PPP3CA: variants seen among roughly 807,000 people sequenced by gnomAD.
PPP3CA encodes CAM-PRP catalytic subunit.
In PPP3CA, 14 loss-of-function variants were observed where a neutral mutation model predicts 66.5. That is an observed-to-expected ratio of 0.21 (90% CI 0.14 to 0.33). PPP3CA has a LOEUF of 0.33. Ranked by LOEUF, PPP3CA falls within the 10% of genes least tolerant of loss-of-function variation. The pLI, the probability that PPP3CA is intolerant of heterozygous loss-of-function variation, is 1.00. For synonymous variants in PPP3CA, 232 were observed against 226.2 expected, an observed-to-expected ratio of 1.03 and a Z score of -0.23; for missense variants, 317 against 639.5, an observed-to-expected ratio of 0.50 and a Z score of 5.44.
At chr4:101,244,819 GA>G (rs1726426537) in intron 1 of PPP3CA, among the ~76,000 whole-genome samples, 1 of 152,168 alleles carries the variant, frequency 6.6e-6, no homozygotes, top group South Asian at 2.1e-4. Context: ...GGCACAGTCA[GA>G]GCTCTCTGTT....
chr4:101,346,706 G>A (rs766238550), intron 1 of PPP3CA, 33 bp downstream of exon 1: 1 of 1,594,386 alleles, frequency 6.3e-7, no homozygotes, highest in Non-Finnish European at 8.6e-7. Context: ...TGCGGCACAC[G>A]GTGCACCCAG....
chr4:101,138,146 C>T (rs1560622026), intron 2 of PPP3CA, among the ~76,000 whole-genome samples: 1 of 152,286 alleles, frequency 6.6e-6, no homozygotes, highest in East Asian at 1.9e-4. Context: ...ACTACCATAA[C>T]ATATTCTGTC....
At position 101,278,144 on chromosome 4, in the gene PPP3CA, A is replaced by AAAAAAAT. The variant is rs1163329750; in HGVS notation, c.58+68594_58+68595insATTTTTT. Among the ~76,000 whole-genome samples, 239 of 145,180 alleles carry AAAAAAAT rather than the reference A, an allele frequency of 1.6e-3. 1 individual carries two copies. The highest frequency in any genetic ancestry group is 5.8e-3 in the African/African-American group (223 of 38,474). ...TAGTAAAAAAAAAAAAAAAAATAAA[A>AAAAAAAT]AAATTAAAAAGTTATTTTAACTACG... On this transcript the variant is annotated intron_variant, in intron 1 of 13. Transcript: ENST00000394854.
chr4:101,065,924 C>T (rs1016065775), intron 8 of PPP3CA, among the ~76,000 whole-genome samples: 2 of 152,096 alleles, frequency 1.3e-5, no homozygotes, highest in South Asian at 4.1e-4. Context: ...TGAGTACCTA[C>T]TGATAAAGCA....
chr4:101,204,735 A>C (rs1725079034), intron 1 of PPP3CA, among the ~76,000 whole-genome samples: 1 of 151,984 alleles, frequency 6.6e-6, no homozygotes. Context: ...GCATGATAAA[A>C]GCAAAATTAT....
At chr4:101,248,833 T>A (rs1436310417) in intron 1 of PPP3CA, among the ~76,000 whole-genome samples, 1 of 152,192 alleles carries the variant, frequency 6.6e-6, no homozygotes, top group African/African-American at 2.4e-5. Context: ...AAATCATCTG[T>A]CAGAGAATCT....
At chr4:101,066,687 G>GAA (rs201363798) in intron 8 of PPP3CA, among the ~76,000 whole-genome samples, 1 of 150,426 alleles carries the variant, frequency 6.6e-6, no homozygotes, top group African/African-American at 2.4e-5. Flanking sequence ...AAATACATGA[G>GAA]AAAAAAAAAC....
intron 12 of PPP3CA, 40 bp downstream of exon 12, chr4:101,032,227 C>A: frequency 1.4e-6 from 2 of 1,399,382 alleles, no homozygotes; most frequent in Non-Finnish European, 1.9e-6. Flanking sequence ...CAGCTGACTG[C>A]GATGCCCCAG....
intron 8 of PPP3CA, among the ~76,000 whole-genome samples, chr4:101,071,663 T>A (rs1325028432): frequency 6.6e-6 from 1 of 152,204 alleles, no homozygotes; most frequent in Non-Finnish European, 1.5e-5. Context: ...AATGAATCTG[T>A]ATGGAGGATT....
intron 2 of PPP3CA, among the ~76,000 whole-genome samples, chr4:101,174,995 G>A (rs1724012791): frequency 6.6e-6 from 1 of 152,118 alleles, no homozygotes; most frequent in Admixed American, 6.6e-5. Flanking sequence ...ATGTTCAGGG[G>A]GAAGTCAGAG....
At chr4:101,103,444 G>C (rs1394341653) in intron 3 of PPP3CA, among the ~76,000 whole-genome samples, 1 of 152,200 alleles carries the variant, frequency 6.6e-6, no homozygotes, top group Non-Finnish European at 1.5e-5. Context: ...ACAGGCAGCA[G>C]TGGAAGAGCA....
intron 8 of PPP3CA, 67 bp downstream of exon 8, chr4:101,080,465 A>C (rs1408866580): frequency 2.2e-6 from 2 of 929,780 alleles, no homozygotes; most frequent in Non-Finnish European, 1.5e-6. Flanking sequence ...ACCAAACCAA[A>C]ATAAAACGGC....
At chr4:101,217,808 C>T (rs972781419) in intron 1 of PPP3CA, among the ~76,000 whole-genome samples, 2 of 152,018 alleles carry the variant, frequency 1.3e-5, no homozygotes, top group Non-Finnish European at 2.9e-5. Context: ...CCAGTGCAGT[C>T]GGTTGTACAG....
intron 2 of PPP3CA, among the ~76,000 whole-genome samples, chr4:101,142,931 C>A (rs1207719496): frequency 6.6e-6 from 1 of 152,100 alleles, no homozygotes; most frequent in African/African-American, 2.4e-5. Context: ...CTGGACTGTG[C>A]AAGGCCTCTT....
intron 2 of PPP3CA, among the ~76,000 whole-genome samples, chr4:101,152,675 T>C (rs1318102596): frequency 6.6e-6 from 1 of 152,198 alleles, no homozygotes; most frequent in Non-Finnish European, 1.5e-5. Context: ...TTTCTCCTTA[T>C]CAACCAATCA....
intron 10 of PPP3CA, among the ~76,000 whole-genome samples, chr4:101,060,114 A>G (rs909174833): frequency 2.6e-5 from 4 of 151,870 alleles, no homozygotes; most frequent in Non-Finnish European, 5.9e-5. Context: ...TTGAGATGGG[A>G]TCTTGCTCTG....
At chr4:101,300,657 C>T (rs1728345410) in intron 1 of PPP3CA, among the ~76,000 whole-genome samples, 1 of 152,042 alleles carries the variant, frequency 6.6e-6, no homozygotes, top group South Asian at 2.1e-4. Context: ...AATAGCTAGG[C>T]ATGGTGACAC....
rs577795096 is a variant in PPP3CA at position 101,193,793 on chromosome 4, A to AG, written c.259+2122_259+2123insC. ...AGTCTTTGTTCATTTTAACTTTAAA[A>AG]AATGCTAAAAGAATGAAGGAATATC... On this transcript the variant is annotated intron_variant, in intron 2 of 13. Coordinates refer to ENST00000394854, the MANE Select transcript of PPP3CA (RefSeq NM_000944.5). Among the ~76,000 whole-genome samples, 23 of 152,160 alleles carry AG rather than the reference A, an allele frequency of 1.5e-4. No individual in the cohort carries two copies. In the East Asian group the frequency reaches 4.2e-3, roughly 28 times the overall value.
At chr4:101,242,090 A>T (rs1287776877) in intron 1 of PPP3CA, among the ~76,000 whole-genome samples, 2 of 152,150 alleles carry the variant, frequency 1.3e-5, no homozygotes, top group Non-Finnish European at 2.9e-5. Context: ...TATACTTGTA[A>T]TTGAGCATCT....
Sources: gnomAD v4.1 joint callset for allele counts (sites outside exome capture counted in the v4.1 genomes callset) on GRCh38, gnomAD v4.1.1 for gene constraint, MANE v1.5 for transcripts, NCBI Gene and HGNC (gene_info 2026-07-23, HGNC 2026-07-21) for gene names.